Variants in PDE10A observed in about 807,000 individuals in gnomAD.
PDE10A encodes phosphodiesterase 10A, also known as cAMP and cAMP-inhibited cGMP 3',5'-cyclic phosphodiesterase 10A.
In PDE10A, 39 loss-of-function variants were observed where a neutral mutation model predicts 97.7. The ratio of observed to expected loss-of-function variants is 0.40; its 90% CI spans 0.31 to 0.52. PDE10A has a LOEUF of 0.52. Ranked by LOEUF, PDE10A falls within the 20% of genes least tolerant of loss-of-function variation. PDE10A has a pLI of 0.56. For synonymous variants in PDE10A, 371 were observed against 376.8 expected (o/e 0.98, Z 0.18); for missense variants, 731 against 1,047.8 (o/e 0.70, Z 4.17).
At chr6:165,534,915 T>A (rs1782987487) in intron 2 of PDE10A, among the ~76,000 whole-genome samples, 1 of 151,930 alleles carries the variant, frequency 6.6e-6, no homozygotes, top group Admixed American at 6.6e-5. Context: ...CACAACTTAT[T>A]CAATATAGTA....
At chr6:165,609,357 C>T (rs141413700) in intron 1 of PDE10A, among the ~76,000 whole-genome samples, 1 of 152,154 alleles carries the variant, frequency 6.6e-6, no homozygotes, top group African/African-American at 2.4e-5. Context: ...TGGGACATCT[C>T]TCAAAATAAT....
At chr6:165,872,057 A>C (rs531641625) in intron 1 of PDE10A, among the ~76,000 whole-genome samples, 1 of 152,196 alleles carries the variant, frequency 6.6e-6, no homozygotes, top group South Asian at 2.1e-4. Flanking sequence ...CGCTGTGTTC[A>C]ATTGGATGCA....
chr6:165,538,520 T>C (rs927067946), intron 2 of PDE10A, among the ~76,000 whole-genome samples: 1 of 152,138 alleles, frequency 6.6e-6, no homozygotes, highest in East Asian at 1.9e-4. Context: ...ATTTGAGGTT[T>C]TTAAGAAATT....
At chr6:165,886,076 T>C (rs1258282548) in intron 1 of PDE10A, among the ~76,000 whole-genome samples, 1 of 152,232 alleles carries the variant, frequency 6.6e-6, no homozygotes, top group Non-Finnish European at 1.5e-5. Context: ...TTTTGAATCA[T>C]TGTAATATGA....
chr6:165,552,898 A>G (rs1325963796), intron 1 of PDE10A, among the ~76,000 whole-genome samples: 1 of 152,110 alleles, frequency 6.6e-6, no homozygotes, highest in African/African-American at 2.4e-5. Context: ...AGGGAGTGCT[A>G]TAGGTTTGTT....
intron 2 of PDE10A, among the ~76,000 whole-genome samples, chr6:165,489,194 T>C (rs1467647153): frequency 6.6e-6 from 1 of 152,016 alleles, no homozygotes; most frequent in African/African-American, 2.4e-5. Context: ...ACAGAGTCCA[T>C]TTCACTCCCT....
At chr6:165,389,841 A>C (rs1391331866) in intron 16 of PDE10A, among the ~76,000 whole-genome samples, 1 of 152,204 alleles carries the variant, frequency 6.6e-6, no homozygotes, top group African/African-American at 2.4e-5. Flanking sequence ...TCTAAAATAA[A>C]TCATCCAGCA....
chr6:165,811,697 C>T (rs1030511685), intron 1 of PDE10A, among the ~76,000 whole-genome samples: 1 of 152,120 alleles, frequency 6.6e-6, no homozygotes, highest in Non-Finnish European at 1.5e-5. Flanking sequence ...CTCCTGAGGC[C>T]GGGAGGGGGG....
intron 1 of PDE10A, among the ~76,000 whole-genome samples, chr6:165,984,769 G>A (rs1273671387): frequency 6.6e-6 from 1 of 152,126 alleles, no homozygotes; most frequent in African/African-American, 2.4e-5. Context: ...TAACTGAGCA[G>A]AGAAAGTCAA....
At chr6:165,738,178 A>AC (rs1213177742) in intron 1 of PDE10A, among the ~76,000 whole-genome samples, 1 of 108,922 alleles carries the variant, frequency 9.2e-6, no homozygotes. Flanking sequence ...CCACCCCACA[A>AC]CAGTCCCCAG....
chr6:165,550,715 A>G (rs1293719766), intron 1 of PDE10A, among the ~76,000 whole-genome samples: 1 of 152,222 alleles, frequency 6.6e-6, no homozygotes, highest in African/African-American at 2.4e-5. Context: ...TTAATAATTG[A>G]GGAAGTCAGA....
intron 2 of PDE10A, among the ~76,000 whole-genome samples, chr6:165,492,052 A>C (rs1230553407): frequency 6.6e-6 from 1 of 152,190 alleles, no homozygotes; most frequent in Non-Finnish European, 1.5e-5. Context: ...ACACAAATAC[A>C]AAGGATGATT....
At chr6:165,350,283 T>C (rs1438218738) in intron 18 of PDE10A, among the ~76,000 whole-genome samples, 1 of 152,174 alleles carries the variant, frequency 6.6e-6, no homozygotes, top group African/African-American at 2.4e-5. Flanking sequence ...ATGTGAGACA[T>C]GGAGTTGAAG....
At chr6:165,385,220 GA>G (rs1346861742) in intron 17 of PDE10A, among the ~76,000 whole-genome samples, 1 of 151,954 alleles carries the variant, frequency 6.6e-6, no homozygotes, top group African/African-American at 2.4e-5. Flanking sequence ...CTAAAGAAGG[GA>G]AAAATGATGA....
intron 2 of PDE10A, among the ~76,000 whole-genome samples, chr6:165,492,712 T>C (rs955069542): frequency 6.6e-6 from 1 of 152,200 alleles, no homozygotes; most frequent in African/African-American, 2.4e-5. Flanking sequence ...AAGCCATCTA[T>C]GACAAACCCA....
chr6:165,690,914 G>A (rs1017424596), intron 1 of PDE10A, among the ~76,000 whole-genome samples: 2 of 152,108 alleles, frequency 1.3e-5, no homozygotes, highest in Non-Finnish European at 2.9e-5. Flanking sequence ...TGGCATCCCT[G>A]GTGGGGGCCA....
At chr6:165,558,483 TGATATTC>T (rs1784368441) in intron 1 of PDE10A, among the ~76,000 whole-genome samples, 1 of 152,116 alleles carries the variant, frequency 6.6e-6, no homozygotes, top group African/African-American at 2.4e-5. Context: ...AGGGATAGCA[TGATATTC>T]ATATACAGAC....
intron 1 of PDE10A, among the ~76,000 whole-genome samples, chr6:165,617,771 C>A (rs1459767040): frequency 6.6e-6 from 1 of 152,130 alleles, no homozygotes; most frequent in Admixed American, 6.5e-5. Context: ...TTATCACACA[C>A]AACATCAATC....
chr6:165,610,931 T>C (rs1295398093), intron 1 of PDE10A, among the ~76,000 whole-genome samples: 1 of 152,088 alleles, frequency 6.6e-6, no homozygotes, highest in Admixed American at 6.5e-5. Flanking sequence ...CTCTCTTCTC[T>C]ATAAAATAAG....
Sources: allele counts gnomAD v4.1 joint callset (sites outside exome capture counted in the v4.1 genomes callset), GRCh38; gene constraint gnomAD v4.1.1; transcripts MANE v1.5; gene names NCBI Gene and HGNC (gene_info 2026-07-23, HGNC 2026-07-21).